Variants in SEC63 observed in about 807,000 individuals in gnomAD.
The protein encoded by SEC63 is SEC63 protein translocation regulator.
In SEC63, 56 loss-of-function variants were observed where a neutral mutation model predicts 116.2. That is an observed-to-expected ratio of 0.48 (90% CI 0.39 to 0.60). The LOEUF (loss-of-function observed/expected upper bound fraction) is 0.60, where lower values mean the gene tolerates loss of function less well. SEC63 is among the 20% of genes least tolerant of loss of function. The probability of loss-of-function intolerance (pLI) is 0.00; values close to 1 mark genes in which losing one functional copy is unlikely to be tolerated. For synonymous variants in SEC63, 273 were observed against 294.6 expected (o/e 0.93, Z 0.75); for missense variants, 668 against 900.0 (o/e 0.74, Z 3.30).
intron 4 of SEC63, among the ~76,000 whole-genome samples, chr6:107,916,914 C>T (rs1377939737): frequency 1.3e-5 from 2 of 152,178 alleles, no homozygotes; most frequent in African/African-American, 2.4e-5. Flanking sequence ...AAATTACTAA[C>T]CCTAAAATGG....
At chr6:107,953,658 C>G (rs1770629921) in intron 1 of SEC63, among the ~76,000 whole-genome samples, 1 of 139,546 alleles carries the variant, frequency 7.2e-6, no homozygotes, top group South Asian at 2.3e-4. Context: ...AAGTGAGGAG[C>G]CCCTCTGCCC....
chr6:107,899,853 A>G (rs952561757), intron 13 of SEC63, among the ~76,000 whole-genome samples: 1 of 152,230 alleles, frequency 6.6e-6, no homozygotes, highest in Non-Finnish European at 1.5e-5. Context: ...CAGCTTTTAA[A>G]TTAGTATTTT....
Position 107,899,278 on chromosome 6 carries a change from A to G in SEC63, c.1358-1547T>C, listed in dbSNP as rs1786940627. On this transcript the variant is annotated intron_variant, in intron 13 of 20. Transcript: ENST00000369002. ...ACTATAGCACTATTATTACATAATT[A>G]GGCAGCACTGTAAAAATATAAATAA... 2.0e-5 allele frequency among the ~76,000 whole-genome samples: 3 copies of G among 152,232 alleles called. No individual in the cohort carries two copies. In the South Asian group the frequency reaches 6.2e-4, roughly 32 times the overall value.
intron 18 of SEC63, among the ~76,000 whole-genome samples, chr6:107,877,993 T>C (rs1413744616): frequency 1.3e-5 from 2 of 152,222 alleles, no homozygotes; most frequent in African/African-American, 2.4e-5. Context: ...GTAGGCATAT[T>C]TGTATACATA....
intron 16 of SEC63, among the ~76,000 whole-genome samples, chr6:107,887,555 A>C (rs1297052487): frequency 6.7e-6 from 1 of 149,024 alleles, no homozygotes; most frequent in African/African-American, 2.5e-5. Flanking sequence ...CAATGAGATC[A>C]CATGGACACA....
intron 14 of SEC63, among the ~76,000 whole-genome samples, chr6:107,896,891 A>C (rs1197372739): frequency 6.6e-6 from 1 of 152,070 alleles, no homozygotes; most frequent in African/African-American, 2.4e-5. Context: ...AGGCAGGAGA[A>C]TCACTTGAAC....
At chr6:107,889,075 G>C (rs1224508847) in intron 16 of SEC63, among the ~76,000 whole-genome samples, 5 of 152,150 alleles carry the variant, frequency 3.3e-5, no homozygotes, top group African/African-American at 1.2e-4. Context: ...TCTCTGCCAG[G>C]TTTTGGTATC....
chr6:107,884,052 C>T lies in SEC63; in HGVS notation c.1675-906G>A, dbSNP rs139827010. On this transcript the variant is annotated intron_variant, in intron 16 of 20. Transcript: ENST00000369002. ...ATAATTTAAGGTCAGGAGTTTGAGACCAGCCTGACCAACATGGTGAAACCC... is the reference window on the plus strand; with the variant it reads ...ATAATTTAAGGTCAGGAGTTTGAGATCAGCCTGACCAACATGGTGAAACCC... Among the ~76,000 whole-genome samples, 141 of 151,904 alleles carry T rather than the reference C, an allele frequency of 9.3e-4. 1 individual carries two copies. The East Asian group carries it at 0.018, about 20-fold the overall frequency.
chr6:107,925,018 C>T lies in SEC63; in HGVS notation c.225-86G>A, dbSNP rs1787644475. 1.3e-5 allele frequency: 10 copies of T among 780,404 alleles called. No homozygotes were observed. In the South Asian group the frequency reaches 1.4e-4, roughly 11 times the overall value. 48.3% of individuals were successfully genotyped at this position (780,404 alleles called of 1,614,324 possible). A position where few individuals can be genotyped will look rare whatever the true frequency, so the allele number is the denominator to read the frequency against. On this transcript the variant is annotated intron_variant, in intron 2 of 20. Transcript: ENST00000369002. The stretch of plus-strand genomic sequence containing the variant: ...TTATGGCAAGGTCAAGGCAAAAACT[C>T]TACAGTAGTACCATATCACTATGCT...
intron 1 of SEC63, chr6:107,954,482 C>CAAAAAAAAAAAAA (rs4028832): frequency 1.7e-5 from 2 of 116,870 alleles, no homozygotes; most frequent in Non-Finnish European, 3.3e-5. Flanking sequence ...AAAAAAAAAT[C>CAAAAAAAAAAAAA]AAAAAAAAAA....
rs201566959 is a variant in SEC63 at position 107,948,259 on chromosome 6, CAG to C, written c.124+9625_124+9626del. On this transcript the variant is annotated intron_variant, in intron 1 of 20. Transcript: ENST00000369002. ...ATATTTACTTAATTACAGGAGGCAGCAGAGAGTAGTGGCTAACAAGAGATGCT... is the reference window on the plus strand; with the variant it reads ...ATATTTACTTAATTACAGGAGGCAGCAGAGTAGTGGCTAACAAGAGATGCT... 3.1e-3 allele frequency among the ~76,000 whole-genome samples: 466 copies of C among 152,308 alleles called. 3 individuals are homozygous for C. The highest frequency in any genetic ancestry group is 0.011 in the African/African-American group (437 of 41,570).
At chr6:107,933,519 T>A (rs1319361584) in intron 1 of SEC63, among the ~76,000 whole-genome samples, 9 of 152,168 alleles carry the variant, frequency 5.9e-5, no homozygotes, top group African/African-American at 2.2e-4. Context: ...CTGCCCAAGA[T>A]ACACAACCTG....
At chr6:107,911,500 A>G in intron 6 of SEC63, 104 bp from the exon 7 acceptor site, 1 of 770,000 alleles carries the variant, frequency 1.3e-6, no homozygotes, top group Non-Finnish European at 2.3e-6. Context: ...TATTAAAAGG[A>G]TTCCTCATGT....
Position 107,903,306 on chromosome 6 carries a change from C to T in SEC63, c.1055-308G>A, listed in dbSNP as rs563254085. On this transcript the variant is annotated intron_variant, in intron 11 of 20. Coordinates refer to ENST00000369002, the MANE Select transcript of SEC63 (RefSeq NM_007214.5). ...CACCATGACAAGAACCAACATCACC[C>T]GTAACAACAAACCATAACCACTATC... 2.0e-5 allele frequency among the ~76,000 whole-genome samples: 3 copies of T among 152,166 alleles called. No individual in the cohort carries two copies. The South Asian group carries it at 6.2e-4, about 32-fold the overall frequency.
chr6:107,909,240 T>C, intron 7 of SEC63: 1 of 453,844 alleles, frequency 2.2e-6, no homozygotes, highest in Non-Finnish European at 4.0e-6. Flanking sequence ...TAGCTGGGCA[T>C]GGTGGCACAT....
At chr6:107,912,639 T>G in intron 6 of SEC63, 77 bp downstream of exon 6, 1 of 824,052 alleles carries the variant, frequency 1.2e-6, no homozygotes, top group South Asian at 1.4e-5. Context: ...TAGTTCTTCT[T>G]GTATTACCAA....
Position 107,888,771 on chromosome 6 carries a change from C to A in SEC63, c.1674+4711G>T, listed in dbSNP as rs1336308711. Reference sequence around the variant, plus strand: ...TATTTTGAGGTACGTTCCATCAATGCCTAGTTTATTGAGAGTTTTTAGCAT... The same window carrying A: ...TATTTTGAGGTACGTTCCATCAATGACTAGTTTATTGAGAGTTTTTAGCAT... On this transcript the variant is annotated intron_variant, in intron 16 of 20. Coordinates refer to ENST00000369002, the MANE Select transcript of SEC63 (RefSeq NM_007214.5). Among the ~76,000 whole-genome samples the A allele has an allele frequency of 5.9e-5, 9 of 152,176 alleles. No individual in the cohort carries two copies. The East Asian group carries it at 1.7e-3, about 29-fold the overall frequency.
At chr6:107,955,845 T>C (rs1311768356) in intron 1 of SEC63, 1 of 187,628 alleles carries the variant, frequency 5.3e-6, no homozygotes, top group South Asian at 9.8e-5. Context: ...ATCAAGCCAC[T>C]GCACTCCATC....
rs1786449563 is a variant in SEC63 at position 107,883,116 on chromosome 6, C to G, written c.1705G>C (p.Val569Leu). Residue 569 changes from valine to leucine, a missense_variant, in exon 17 of 21, where the codon GTT becomes CTT. By Grantham distance (32) the Val-to-Leu change is conservative (BLOSUM62 1). Transcript: ENST00000369002. The stretch of plus-strand genomic sequence containing the variant: ...TCAGAATCACTGCCCTTATCTGAAA[C>G]TTCTTCTTCATCTTCCTTTACTGCA... ...EAAVKEDEEE[V>L]SDKGSDSEEE... 1 of 1,604,316 alleles carries G rather than the reference C, an allele frequency of 6.2e-7. No homozygotes were observed. The highest frequency in any genetic ancestry group is 8.5e-7 in the Non-Finnish European group (1 of 1,174,832).
Sources: gnomAD v4.1 joint callset for allele counts (sites outside exome capture counted in the v4.1 genomes callset) on GRCh38, gnomAD v4.1.1 for gene constraint, MANE v1.5 for transcripts, NCBI Gene and HGNC (gene_info 2026-07-23, HGNC 2026-07-21) for gene names.